The following DIPK1A variants were observed in gnomAD, a reference collection of about 807,000 sequenced individuals.
DIPK1A encodes family with sequence similarity 69 member A.
Under a neutral mutation model 40.8 loss-of-function variants are expected in DIPK1A, and 27 were observed. That is an observed-to-expected ratio of 0.66 (90% CI 0.49 to 0.91). DIPK1A has a LOEUF of 0.91. DIPK1A is among the 40% of genes least tolerant of loss of function. DIPK1A has a pLI of 0.00. For missense variants in DIPK1A, 412 were observed against 505.7 expected (o/e 0.81, Z 1.78); for synonymous variants, 166 against 171.3 (o/e 0.97, Z 0.24).
Position 92,961,446 on chromosome 1 carries a change from C to A in DIPK1A, c.-17G>T, listed in dbSNP as rs781651066. 2 of 1,486,108 alleles carry A rather than the reference C, an allele frequency of 1.3e-6. No individual in the cohort carries two copies. The allele number at this position is 1,486,108 out of a possible 1,614,324, so 92.1% of individuals were successfully genotyped here. ...CCTCGCCATGGTAATCACACATCGCCCCGCCGCGCTGCAGTCAGAGGCGGA... is the reference window on the plus strand; with the variant it reads ...CCTCGCCATGGTAATCACACATCGCACCGCCGCGCTGCAGTCAGAGGCGGA... On this transcript the variant is annotated 5_prime_UTR_variant, in exon 1 of 5. Transcript: ENST00000370310.
At chr1:92,860,244 G>A (rs1194779441) in intron 2 of DIPK1A, among the ~76,000 whole-genome samples, 2 of 152,066 alleles carry the variant, frequency 1.3e-5, no homozygotes, top group East Asian at 1.9e-4. Flanking sequence ...CAGATTGCAC[G>A]GAGGGCTGAT....
In DIPK1A at chr1:92,842,707, C is replaced by T; in HGVS notation, c.*676G>A. On this transcript the variant is annotated 3_prime_UTR_variant, in exon 5 of 5. Transcript: ENST00000370310. ...GAAGGGCTCAGTCAGCTGCGTGATA[C>T]TAAGATGGGCCCTTTGAATCTTTAG... 1.0e-6 allele frequency: 1 copy of T among 985,404 alleles called. No homozygotes were observed. The highest frequency in any genetic ancestry group is 4.7e-5 in the South Asian group (1 of 21,280). The allele number at this position is 985,404 out of a possible 1,614,324, so 61.0% of individuals were successfully genotyped here. A position where few individuals can be genotyped will look rare whatever the true frequency, so the allele number is the denominator to read the frequency against.
intron 1 of DIPK1A, among the ~76,000 whole-genome samples, chr1:92,914,660 T>G (rs1649973663): frequency 6.6e-6 from 1 of 150,470 alleles, no homozygotes; most frequent in African/African-American, 2.5e-5. Context: ...TCCCAGCTAC[T>G]TGGGAGACTG....
chr1:92,906,679 G>GA (rs1649635916), intron 1 of DIPK1A, among the ~76,000 whole-genome samples: 2 of 152,132 alleles, frequency 1.3e-5, no homozygotes, highest in African/African-American at 4.8e-5. Flanking sequence ...GCAGATGAGT[G>GA]AAAAAAAGGC....
At chr1:92,961,149 G>C (rs1236337133) in intron 1 of DIPK1A, among the ~76,000 whole-genome samples, 4 of 151,752 alleles carry the variant, frequency 2.6e-5, no homozygotes, top group South Asian at 2.1e-4. Flanking sequence ...CCTGGAGCCC[G>C]GCTGGCCGCG....
intron 1 of DIPK1A, among the ~76,000 whole-genome samples, chr1:92,881,689 A>C (rs965533438): frequency 6.6e-6 from 1 of 152,174 alleles, no homozygotes; most frequent in African/African-American, 2.4e-5. Context: ...GTGATATATT[A>C]AGTGAAAAAA....
At chr1:92,847,161 A>G (rs1400322758) in intron 4 of DIPK1A, 22 bp downstream of exon 4, 2 of 1,465,224 alleles carry the variant, frequency 1.4e-6, no homozygotes, top group East Asian at 2.6e-5. Flanking sequence ...CACACTAGCA[A>G]CATATGAATG....
chr1:92,893,672 T>C (rs1031291381), intron 1 of DIPK1A, among the ~76,000 whole-genome samples: 3 of 151,108 alleles, frequency 2.0e-5, no homozygotes, highest in Non-Finnish European at 4.5e-5. Context: ...TAAATGTAAA[T>C]GGGCTAAATG....
intron 1 of DIPK1A, among the ~76,000 whole-genome samples, chr1:92,900,809 G>A (rs1377563933): frequency 6.6e-6 from 1 of 151,838 alleles, no homozygotes; most frequent in Non-Finnish European, 1.5e-5. Flanking sequence ...CTGCTAAAAG[G>A]TATATCATAC....
At chr1:92,871,697 T>C (rs897123005) in intron 2 of DIPK1A, among the ~76,000 whole-genome samples, 5 of 152,228 alleles carry the variant, frequency 3.3e-5, no homozygotes, top group Non-Finnish European at 7.3e-5. Context: ...TATTGCAGCA[T>C]ATAAATGGAA....
At chr1:92,832,824 G>A in exon 5 of DIPK1A, 2 of 590,818 alleles carry the variant, frequency 3.4e-6, no homozygotes. Context: ...AATTACTGCT[G>A]AATGTGCTCT....
chr1:92,843,606 G>GTACA lies in DIPK1A; in HGVS notation c.1060_1063dup (p.Thr355MetfsTer28). 1 of 1,551,856 alleles carries GTACA rather than the reference G, an allele frequency of 6.4e-7. No individual in the cohort carries two copies. Among genetic ancestry groups the GTACA allele is most frequent in the Non-Finnish European group, 8.7e-7 (1 of 1,147,018 alleles). ...CAAGTTTGGTTGTATCACTTCTGAA[G>GTACA]TACACTTCATTGTACTCTGATCACA... On this transcript the variant is annotated frameshift_variant, in exon 5 of 5. Coordinates refer to ENST00000370310, the MANE Select transcript of DIPK1A (RefSeq NM_001006605.5). LOFTEE classifies it high-confidence loss of function.
chr1:92,861,893 C>G (rs148261520), intron 2 of DIPK1A, among the ~76,000 whole-genome samples: 1 of 152,132 alleles, frequency 6.6e-6, no homozygotes, highest in African/African-American at 2.4e-5. Flanking sequence ...GATCCTCCCA[C>G]CTCGGCCTCC....
At chr1:92,856,608 G>C (rs1687996542) in intron 2 of DIPK1A, among the ~76,000 whole-genome samples, 4 of 152,036 alleles carry the variant, frequency 2.6e-5, no homozygotes, top group African/African-American at 4.8e-5. Context: ...GTAGAGATGG[G>C]GTTTCTCCAT....
intron 1 of DIPK1A, among the ~76,000 whole-genome samples, chr1:92,916,683 A>C (rs1571121525): frequency 6.6e-6 from 1 of 152,088 alleles, no homozygotes; most frequent in Non-Finnish European, 1.5e-5. Flanking sequence ...GGAGTCTACA[A>C]TCTCCCCCAG....
chr1:92,915,323 A>G (rs1245553380), intron 1 of DIPK1A, among the ~76,000 whole-genome samples: 1 of 152,202 alleles, frequency 6.6e-6, no homozygotes, highest in Non-Finnish European at 1.5e-5. Context: ...TAATATTTAC[A>G]GACTTCAGAT....
intron 2 of DIPK1A, among the ~76,000 whole-genome samples, chr1:92,852,367 G>A (rs778434696): frequency 1.6e-4 from 25 of 151,794 alleles, no homozygotes; most frequent in African/African-American, 5.3e-4. Context: ...GCGTGGTGGC[G>A]CATGCCTGTA....
At chr1:92,839,156 C>G (rs551301031), downstream of DIPK1A, among the ~76,000 whole-genome samples, 1 of 149,970 alleles carries the variant, frequency 6.7e-6, no homozygotes, top group East Asian at 2.0e-4. Flanking sequence ...GTCAGGAGTT[C>G]GAGACCAGCC....
intron 2 of DIPK1A, among the ~76,000 whole-genome samples, chr1:92,862,697 A>G (rs956921129): frequency 2.0e-5 from 3 of 152,246 alleles, no homozygotes; most frequent in Non-Finnish European, 4.4e-5. Flanking sequence ...CTGACTCTCT[A>G]CTGCTCTGAA....
Sources: allele counts gnomAD v4.1 joint callset (sites outside exome capture counted in the v4.1 genomes callset), GRCh38; gene constraint gnomAD v4.1.1; transcripts MANE v1.5; gene names NCBI Gene and HGNC (gene_info 2026-07-23, HGNC 2026-07-21).